RNLS: variants seen among roughly 807,000 people sequenced by gnomAD.
RNLS encodes renalase.
In RNLS, 39 loss-of-function variants were observed where a neutral mutation model predicts 39.8. The observed-to-expected ratio is 0.98, with a 90% CI of 0.76 to 1.28. The LOEUF (loss-of-function observed/expected upper bound fraction) is 1.28, where lower values mean the gene tolerates loss of function less well. Among genes scored for constraint, RNLS ranks in the 50% most tolerant of loss-of-function variants. The pLI is 0.00. For missense variants in RNLS, 410 were observed against 413.3 expected (o/e 0.99, Z 0.07); for synonymous variants, 147 against 150.7 (o/e 0.98, Z 0.18).
chr10:88,443,356 G>C (rs560801629), intron 4 of RNLS, among the ~76,000 whole-genome samples: 1 of 152,276 alleles, frequency 6.6e-6, no homozygotes, highest in South Asian at 2.1e-4. Context: ...TGGCCAAATA[G>C]GAACAGCTCC....
intron 4 of RNLS, among the ~76,000 whole-genome samples, chr10:88,484,661 T>A (rs1844387383): frequency 6.6e-6 from 1 of 151,904 alleles, no homozygotes; most frequent in African/African-American, 2.4e-5. Context: ...GCCTGGATAA[T>A]ATATAGAGCA....
chr10:88,502,661 C>T (rs568249708), intron 4 of RNLS, among the ~76,000 whole-genome samples: 1 of 152,232 alleles, frequency 6.6e-6, no homozygotes, highest in South Asian at 2.1e-4. Context: ...CTAAGACAGG[C>T]TGGTATTGGG....
At chr10:88,325,784 T>G (rs880793) in intron 5 of RNLS, among the ~76,000 whole-genome samples, 21,805 of 152,192 alleles carry the variant, frequency 0.14, 1,716 homozygotes, top group East Asian at 0.33. Flanking sequence ...AAATCTCATC[T>G]TGAATTGTAA....
chr10:88,417,078 G>C (rs1244952909), intron 4 of RNLS, among the ~76,000 whole-genome samples: 3 of 152,214 alleles, frequency 2.0e-5, no homozygotes, highest in Non-Finnish European at 4.4e-5. Context: ...TGAGAATCTG[G>C]CCTTCCTAGA....
chr10:88,395,241 A>G (rs771089824), intron 4 of RNLS, among the ~76,000 whole-genome samples: 4 of 151,366 alleles, frequency 2.6e-5, no homozygotes, highest in Non-Finnish European at 5.9e-5. Context: ...AAGATGAAAA[A>G]AAAAAAAAAC....
chr10:88,466,592 C>T (rs544312967), intron 4 of RNLS, among the ~76,000 whole-genome samples: 37 of 152,242 alleles, frequency 2.4e-4, no homozygotes, highest in African/African-American at 7.7e-4. Flanking sequence ...CCTTTAAAAA[C>T]GAGCAACAGG....
chr10:88,564,144 G>A (rs1000328490), intron 4 of RNLS, among the ~76,000 whole-genome samples: 1 of 152,042 alleles, frequency 6.6e-6, no homozygotes, highest in Non-Finnish European at 1.5e-5. Context: ...ATTAGAGTTT[G>A]CCTTCTTGAG....
At chr10:88,177,866 G>A in the RNLS span, among the ~76,000 whole-genome samples, 2 of 152,224 alleles carry the variant, frequency 1.3e-5, no homozygotes, top group East Asian at 1.9e-4. Context: ...CTAGGCTTTG[G>A]TTGTTTGTGG....
intron 5 of RNLS, among the ~76,000 whole-genome samples, chr10:88,341,501 C>T (rs1379715619): frequency 6.6e-6 from 1 of 151,970 alleles, no homozygotes; most frequent in Non-Finnish European, 1.5e-5. Context: ...AGAGAACATA[C>T]ATATATATTC....
At chr10:88,398,889 A>G (rs930983473) in intron 4 of RNLS, among the ~76,000 whole-genome samples, 2 of 152,062 alleles carry the variant, frequency 1.3e-5, no homozygotes, top group African/African-American at 4.8e-5. Flanking sequence ...CATATATCCA[A>G]TAGGGAACTT....
At chr10:88,524,998 T>TATATAC (rs1554919255) in intron 4 of RNLS, among the ~76,000 whole-genome samples, 11 of 104,462 alleles carry the variant, frequency 1.1e-4, no homozygotes, top group African/African-American at 3.5e-4. Flanking sequence ...TATATATATA[T>TATATAC]ACACACACAC....
chr10:88,315,398 T>C (rs1453417163), intron 5 of RNLS, among the ~76,000 whole-genome samples: 1 of 152,308 alleles, frequency 6.6e-6, no homozygotes, highest in East Asian at 1.9e-4. Context: ...ACTGACTCTT[T>C]AGAAAGCACC....
At chr10:88,196,609 A>G in the RNLS span, among the ~76,000 whole-genome samples, 1 of 152,116 alleles carries the variant, frequency 6.6e-6, no homozygotes, top group Non-Finnish European at 1.5e-5. Flanking sequence ...TCTCTCAGTT[A>G]TCTGCTTCCC....
At chr10:88,210,158 T>C in the RNLS span, among the ~76,000 whole-genome samples, 1 of 152,240 alleles carries the variant, frequency 6.6e-6, no homozygotes, top group Non-Finnish European at 1.5e-5. Context: ...TAGCCTCACC[T>C]TGTCTATATT....
chr10:88,502,499 T>G (rs1246545028), intron 4 of RNLS, among the ~76,000 whole-genome samples: 2 of 152,156 alleles, frequency 1.3e-5, no homozygotes, highest in Non-Finnish European at 2.9e-5. Flanking sequence ...CCTCTTTCGC[T>G]TTCCACCTTG....
At chr10:88,407,863 G>A (rs902456098) in intron 4 of RNLS, among the ~76,000 whole-genome samples, 1 of 152,062 alleles carries the variant, frequency 6.6e-6, no homozygotes, top group Non-Finnish European at 1.5e-5. Context: ...GACCTGACTT[G>A]CAAATTGGGT....
rs536788079 is a variant in RNLS at position 88,448,688 on chromosome 10, G to C, written c.527-85963C>G. 3.3e-5 allele frequency among the ~76,000 whole-genome samples: 5 copies of C among 152,276 alleles called. No individual in the cohort carries two copies. The East Asian group carries it at 9.6e-4, about 29-fold the overall frequency. ...GGATTATAAATCATGCTGCTATATA[G>C]ACACATGCACATGTATGTTTATTGA... On this transcript the variant is annotated intron_variant, in intron 4 of 6. Coordinates refer to ENST00000331772, the MANE Select transcript of RNLS (RefSeq NM_001031709.3).
chr10:88,538,241 A>G (rs1160809091), intron 4 of RNLS, among the ~76,000 whole-genome samples: 1 of 152,200 alleles, frequency 6.6e-6, no homozygotes, highest in East Asian at 1.9e-4. Context: ...TGGCATGCAC[A>G]TAAGGGAAGA....
At chr10:88,502,832 A>G (rs887690479) in intron 4 of RNLS, among the ~76,000 whole-genome samples, 1 of 152,140 alleles carries the variant, frequency 6.6e-6, no homozygotes, top group Admixed American at 6.6e-5. Context: ...TTTTTTCCCA[A>G]TGATCAAAAG....
Sources: gnomAD v4.1 joint callset for allele counts (sites outside exome capture counted in the v4.1 genomes callset) on GRCh38, gnomAD v4.1.1 for gene constraint, MANE v1.5 for transcripts, NCBI Gene and HGNC (gene_info 2026-07-23, HGNC 2026-07-21) for gene names.